SETD3: variants seen among roughly 807,000 people sequenced by gnomAD.
The protein encoded by SETD3 is SET domain containing 3, actin N3(tau)-histidine methyltransferase.
In SETD3, 19 loss-of-function variants were observed where a neutral mutation model predicts 63.0. That is an observed-to-expected ratio of 0.30 (90% CI 0.21 to 0.44). The LOEUF (loss-of-function observed/expected upper bound fraction) is 0.44, where lower values mean the gene tolerates loss of function less well. SETD3 is among the 20% of genes least tolerant of loss of function. SETD3 has a pLI of 1.00. For synonymous variants in SETD3, 286 were observed against 264.1 expected, an observed-to-expected ratio of 1.08 and a Z score of -0.80; for missense variants, 587 against 728.5, an observed-to-expected ratio of 0.81 and a Z score of 2.24.
intron 1 of SETD3, among the ~76,000 whole-genome samples, chr14:99,466,816 A>G (rs1241383806): frequency 6.6e-6 from 1 of 152,196 alleles, no homozygotes; most frequent in African/African-American, 2.4e-5. Context: ...TGACCAAGGA[A>G]GATGGAAAAA....
intron 6 of SETD3, among the ~76,000 whole-genome samples, chr14:99,425,324 T>C (rs1478129052): frequency 6.6e-6 from 1 of 151,980 alleles, no homozygotes; most frequent in African/African-American, 2.4e-5. Flanking sequence ...TCTCCTAGAG[T>C]AGGAGCCACA....
chr14:99,414,819 T>A (rs185082257), intron 6 of SETD3, among the ~76,000 whole-genome samples: 2 of 152,266 alleles, frequency 1.3e-5, no homozygotes, highest in East Asian at 1.9e-4. Flanking sequence ...GAACAAATGG[T>A]TATTTCTGAG....
intron 7 of SETD3, 36 bp downstream of exon 7, chr14:99,413,840 C>A (rs1892137987): frequency 1.2e-6 from 2 of 1,606,786 alleles, no homozygotes; most frequent in Non-Finnish European, 1.7e-6. Context: ...TAGAAACCAC[C>A]CTCAATACAC....
chr14:99,482,176 C>G (rs1896354302), upstream of SETD3, among the ~76,000 whole-genome samples: 1 of 152,210 alleles, frequency 6.6e-6, no homozygotes, highest in Non-Finnish European at 1.5e-5. Flanking sequence ...TTAAACGGAG[C>G]TTTCGCTAAG....
intron 8 of SETD3, chr14:99,411,547 G>C (rs997722076): frequency 1.3e-5 from 2 of 152,092 alleles, no homozygotes; most frequent in Non-Finnish European, 2.9e-5. Context: ...TGTTTGTTTA[G>C]AGTAAAGCCA....
chr14:99,475,514 C>T (rs1163405998), intron 1 of SETD3, among the ~76,000 whole-genome samples: 5 of 152,248 alleles, frequency 3.3e-5, no homozygotes, highest in South Asian at 4.1e-4. Flanking sequence ...CCCTCCAGTA[C>T]GATATTGCAG....
At chr14:99,436,402 G>A (rs1294730953) in intron 6 of SETD3, among the ~76,000 whole-genome samples, 1 of 152,070 alleles carries the variant, frequency 6.6e-6, no homozygotes, top group African/African-American at 2.4e-5. Flanking sequence ...CTGCATTCCT[G>A]ACAGAAGTGT....
At position 99,398,562 on chromosome 14, in the gene SETD3, C is replaced by T. The variant is rs1377464990; in HGVS notation, c.*117G>A. ...AAAAAACCATTTTTATATAAAGCAG[C>T]AAAAACATATCTTCCTCTCTGCAGA... On this transcript the variant is annotated 3_prime_UTR_variant, in exon 13 of 13. Coordinates refer to ENST00000331768, the MANE Select transcript of SETD3 (RefSeq NM_032233.3). 6.0e-6 allele frequency: 6 copies of T among 1,005,068 alleles called. No individual in the cohort carries two copies. The highest frequency in any genetic ancestry group is 7.2e-6 in the Non-Finnish European group (5 of 691,256). 62.3% of individuals were successfully genotyped at this position (1,005,068 alleles called of 1,614,324 possible).
In SETD3 at chr14:99,398,337, C is replaced by G. The variant is rs1891197421; in HGVS notation, c.*342G>C. 1.5e-5 allele frequency: 3 copies of G among 199,274 alleles called. No homozygotes were observed. The Middle Eastern group carries it at 6.8e-3, about 455-fold the overall frequency. 12.3% of individuals were successfully genotyped at this position (199,274 alleles called of 1,614,324 possible). On this transcript the variant is annotated 3_prime_UTR_variant, in exon 13 of 13. Transcript: ENST00000331768. ...GCTTTCATTCTGGTCATCAAGATGA[C>G]AGGCCCACAAAAGTACAGCTGAGAC...
chr14:99,406,503 C>G lies in SETD3; in HGVS notation c.924+13G>C. The stretch of plus-strand genomic sequence containing the variant: ...TGGCTGGCTCACATTTTGTGAGATG[C>G]CACGAGACCCACCTGCTCTCCAGCC... On this transcript the variant is annotated intron_variant, in intron 9 of 12. Coordinates refer to ENST00000331768, the MANE Select transcript of SETD3 (RefSeq NM_032233.3). 6.2e-7 allele frequency: 1 copy of G among 1,613,774 alleles called. No homozygotes were observed. Among genetic ancestry groups the G allele is most frequent in the Non-Finnish European group, 8.5e-7 (1 of 1,179,684 alleles).
chr14:99,414,922 G>T (rs1002480846), intron 6 of SETD3, among the ~76,000 whole-genome samples: 2 of 152,218 alleles, frequency 1.3e-5, no homozygotes, highest in African/African-American at 4.8e-5. Context: ...TGACGCATTG[G>T]CATCACAAGT....
At chr14:99,466,034 C>T (rs1232946295) in intron 1 of SETD3, among the ~76,000 whole-genome samples, 2 of 151,410 alleles carry the variant, frequency 1.3e-5, no homozygotes, top group Non-Finnish European at 2.9e-5. Flanking sequence ...AAGAAAAGTT[C>T]GTTCTTTTTC....
chr14:99,458,589 C>T, intron 5 of SETD3, 54 bp from the exon 6 acceptor site: 1 of 1,567,376 alleles, frequency 6.4e-7, no homozygotes, highest in African/African-American at 1.4e-5. Flanking sequence ...TTAAAAACTT[C>T]ATTTAAATAT....
chr14:99,481,537 G>C (rs1298597206), upstream of SETD3: 2 of 398,532 alleles, frequency 5.0e-6, no homozygotes, highest in Non-Finnish European at 8.8e-6. Context: ...CTGGAGGTCG[G>C]AGTAGGTTAT....
chr14:99,417,664 T>C (rs575880894), intron 6 of SETD3, among the ~76,000 whole-genome samples: 1 of 152,356 alleles, frequency 6.6e-6, no homozygotes, highest in East Asian at 1.9e-4. Flanking sequence ...GCAGAATTCA[T>C]TATTATGTGA....
chr14:99,477,766 CAA>C (rs1204128292), intron 1 of SETD3, among the ~76,000 whole-genome samples: 1 of 146,544 alleles, frequency 6.8e-6, no homozygotes, highest in Non-Finnish European at 1.5e-5. Flanking sequence ...AAAAAAAAGC[CAA>C]GTCTCAACTT....
the SETD3 span, among the ~76,000 whole-genome samples, chr14:99,486,355 A>G: frequency 6.6e-6 from 1 of 152,134 alleles, no homozygotes; most frequent in African/African-American, 2.4e-5. Flanking sequence ...CACTGGGCAA[A>G]CGCTCGCCTT....
At chr14:99,429,484 C>A (rs1373099227) in intron 6 of SETD3, among the ~76,000 whole-genome samples, 2 of 152,156 alleles carry the variant, frequency 1.3e-5, no homozygotes, top group Non-Finnish European at 2.9e-5. Context: ...CACCCCGATT[C>A]TCTTAAACGG....
At chr14:99,400,039 C>T in intron 12 of SETD3, 60 bp downstream of exon 12, 1 of 1,472,258 alleles carries the variant, frequency 6.8e-7, no homozygotes, top group Non-Finnish European at 9.2e-7. Context: ...CCGCACCAAG[C>T]CTCATTAAAC....
Sources: gnomAD v4.1 joint callset for allele counts (sites outside exome capture counted in the v4.1 genomes callset) on GRCh38, gnomAD v4.1.1 for gene constraint, MANE v1.5 for transcripts, NCBI Gene and HGNC (gene_info 2026-07-23, HGNC 2026-07-21) for gene names.